Variants in ABCC5 observed in about 807,000 individuals in gnomAD.
The protein encoded by ABCC5 is ATP-binding cassette sub-family C member 5.
ABCC5 carries 61 observed loss-of-function variants against 160.9 expected under a neutral mutation model. The observed-to-expected ratio is 0.38, with a 90% CI of 0.31 to 0.47. The LOEUF (loss-of-function observed/expected upper bound fraction) is 0.47. ABCC5 is among the 20% of genes least tolerant of loss of function. The probability of loss-of-function intolerance (pLI) is 0.99; values close to 1 mark genes in which losing one functional copy is unlikely to be tolerated. For synonymous variants in ABCC5, 666 were observed against 700.6 expected (o/e 0.95, Z 0.78); for missense variants, 1,308 against 1,813.3 (o/e 0.72, Z 5.06).
intron 23 of ABCC5, 69 bp from the exon 24 acceptor site, chr3:183,946,008 C>T (rs1252102658): frequency 8.7e-6 from 12 of 1,377,690 alleles, no homozygotes; most frequent in Non-Finnish European, 1.2e-5. Context: ...TGCTGGAGAA[C>T]TTCCTTCATC....
chr3:183,975,823 G>T (rs1313486002), intron 10 of ABCC5, among the ~76,000 whole-genome samples: 1 of 151,892 alleles, frequency 6.6e-6, no homozygotes, highest in Non-Finnish European at 1.5e-5. Flanking sequence ...AGAGAGGAGG[G>T]ACCTATGATG....
chr3:183,936,001 AG>A (rs1713676688), intron 26 of ABCC5, among the ~76,000 whole-genome samples: 1 of 152,292 alleles, frequency 6.6e-6, no homozygotes, highest in East Asian at 1.9e-4. Context: ...TATGGACTAC[AG>A]GTTTGTGTGC....
Position 183,982,750 on chromosome 3 carries a change from G to A in ABCC5, c.825+24C>T. 2.5e-6 allele frequency: 4 copies of A among 1,612,530 alleles called. No individual in the cohort carries two copies. Among genetic ancestry groups the A allele is most frequent in the African/African-American group, 1.3e-5 (1 of 75,022 alleles). Reference sequence around the variant, plus strand: ...TCAAGCTAGGAAGTTGCTCTCTGCTGTGAAGCAAACACCCCTCACTCACCT... The same window carrying A: ...TCAAGCTAGGAAGTTGCTCTCTGCTATGAAGCAAACACCCCTCACTCACCT... On this transcript the variant is annotated intron_variant, in intron 6 of 29. Transcript: ENST00000334444. This position sits in a 1 kb window ranked among gnomAD's most constrained non-coding sequence, Gnocchi z 5.2.
intron 2 of ABCC5, among the ~76,000 whole-genome samples, chr3:184,006,136 C>G (rs1180319750): frequency 6.6e-6 from 1 of 152,072 alleles, no homozygotes; most frequent in Non-Finnish European, 1.5e-5. Context: ...TGAGAGCCAC[C>G]TGGGCTCCAC....
At chr3:184,014,140 TG>T (rs1191976275) in intron 2 of ABCC5, 123 bp downstream of exon 2, 3 of 762,668 alleles carry the variant, frequency 3.9e-6, no homozygotes, top group African/African-American at 3.6e-5. Flanking sequence ...CCCAAAGTGC[TG>T]GGTTTATAGG....
intron 2 of ABCC5, among the ~76,000 whole-genome samples, chr3:184,011,103 C>G (rs929657749): frequency 6.6e-6 from 1 of 152,130 alleles, no homozygotes; most frequent in African/African-American, 2.4e-5. Context: ...GGTTTAAATC[C>G]TTACCATCAA....
chr3:183,973,937 T>C (rs3805107), intron 10 of ABCC5, among the ~76,000 whole-genome samples: 6,963 of 152,228 alleles, frequency 0.046, 261 homozygotes, highest in East Asian at 0.17. Flanking sequence ...ACCTACTGGT[T>C]TTCACAGCTC....
chr3:183,950,493 T>G (rs1199549682), intron 20 of ABCC5, among the ~76,000 whole-genome samples: 4 of 152,244 alleles, frequency 2.6e-5, no homozygotes, highest in Non-Finnish European at 4.4e-5. Flanking sequence ...AGACATTTTT[T>G]GTCTTGCAAA....
At chr3:183,925,472 C>G in intron 29 of ABCC5, 83 bp downstream of exon 29, 1 of 1,479,476 alleles carries the variant, frequency 6.8e-7, no homozygotes, top group Non-Finnish European at 9.2e-7. Context: ...CAGAACCCTA[C>G]AAAGATGGCA....
chr3:184,015,793 G>A (rs1046227226), intron 1 of ABCC5, among the ~76,000 whole-genome samples: 1 of 152,156 alleles, frequency 6.6e-6, no homozygotes. Context: ...CCTCATTAAG[G>A]CTAAACTATA....
At chr3:183,966,653 T>TA (rs896583433) in intron 12 of ABCC5, among the ~76,000 whole-genome samples, 2 of 152,154 alleles carry the variant, frequency 1.3e-5, no homozygotes, top group African/African-American at 4.8e-5. Flanking sequence ...TTGGTCATCA[T>TA]AAATCACCTA....
chr3:183,986,000 C>A (rs1288097104), intron 5 of ABCC5: 1 of 158,986 alleles, frequency 6.3e-6, no homozygotes, highest in African/African-American at 2.4e-5. Flanking sequence ...TCTGTCCTTA[C>A]ACAGGTTTCT....
intron 26 of ABCC5, 30 bp from the exon 27 acceptor site, chr3:183,928,855 G>A (rs1433132312): frequency 1.0e-5 from 16 of 1,596,724 alleles, no homozygotes; most frequent in Non-Finnish European, 1.4e-5. Context: ...TTTCTCAGTG[G>A]TCCCACCCTA....
At chr3:183,984,741 T>C (rs1384896637) in intron 5 of ABCC5, 9 of 1,535,992 alleles carry the variant, frequency 5.9e-6, no homozygotes, top group East Asian at 2.4e-5. Flanking sequence ...AGCAAGAAGA[T>C]TGGCTTCTTT....
rs1713919003 is a variant in ABCC5 at position 183,938,072 on chromosome 3, G to A, written c.3695-12C>T. The A allele has an allele frequency of 6.2e-7, 1 of 1,613,140 alleles. No individual in the cohort carries two copies. On this transcript the variant is annotated splice_polypyrimidine_tract_variant and intron_variant, in intron 25 of 29. Coordinates refer to ENST00000334444, the MANE Select transcript of ABCC5 (RefSeq NM_005688.4). Reference sequence around the variant, plus strand: ...CAGCGAGGACTTCCCTGATGAGTCAGAAGACATGCAAGAGAGGAGCTGTTA... The same window carrying A: ...CAGCGAGGACTTCCCTGATGAGTCAAAAGACATGCAAGAGAGGAGCTGTTA...
chr3:184,000,545 C>T (rs957171766), intron 2 of ABCC5: 1 of 151,642 alleles, frequency 6.6e-6, no homozygotes, highest in Non-Finnish European at 1.5e-5. Flanking sequence ...TGTCACCAAT[C>T]GAGAAATACA....
At chr3:183,959,949 T>C in intron 16 of ABCC5, 114 bp from the exon 17 acceptor site, 1 of 687,002 alleles carries the variant, frequency 1.5e-6, no homozygotes, top group Non-Finnish European at 2.4e-6. Context: ...AAAAGATACA[T>C]CCAACTTCTT....
chr3:183,975,551 C>A (rs148104425), intron 10 of ABCC5, among the ~76,000 whole-genome samples: 4 of 152,096 alleles, frequency 2.6e-5, no homozygotes, highest in Admixed American at 2.6e-4. Flanking sequence ...CCATGTTGGC[C>A]AGGCTGGTCT....
At chr3:183,939,474 C>T (rs529497747) in intron 25 of ABCC5, among the ~76,000 whole-genome samples, 2 of 152,244 alleles carry the variant, frequency 1.3e-5, no homozygotes, top group Admixed American at 1.3e-4. Context: ...CTCAGTCAAC[C>T]ATCTTTTAAA....
Sources: gnomAD v4.1 joint callset for allele counts (sites outside exome capture counted in the v4.1 genomes callset) on GRCh38, gnomAD v4.1.1 for gene constraint, Gnocchi (gnomAD v3.1) non-coding constraint, MANE v1.5 for transcripts, NCBI Gene and HGNC (gene_info 2026-07-23, HGNC 2026-07-21) for gene names.